PEX5L: variants seen among roughly 807,000 people sequenced by gnomAD.
The protein encoded by PEX5L is PEX5-related protein.
Under a neutral mutation model 84.0 loss-of-function variants are expected in PEX5L, and 30 were observed. The observed-to-expected ratio is 0.36, with a 90% CI of 0.27 to 0.48. The LOEUF is 0.48. Among genes scored for constraint, PEX5L ranks in the 20% least tolerant of loss-of-function variants. The pLI is 0.99. For synonymous variants in PEX5L, 270 were observed against 283.1 expected, an observed-to-expected ratio of 0.95 and a Z score of 0.46; for missense variants, 533 against 754.6, an observed-to-expected ratio of 0.71 and a Z score of 3.44.
At position 179,986,181 on chromosome 3, in the gene PEX5L, T is replaced by TATAA. The variant is rs58775648; in HGVS notation, c.22-14517_22-14516insTTAT. On this transcript the variant is annotated intron_variant, in intron 1 of 14. Coordinates refer to ENST00000467460, the MANE Select transcript of PEX5L (RefSeq NM_016559.3). ...GTAATTTAAAATATATATATATATA[T>TATAA]AACTTTATGTTTATGCAATAATAAT... Among the ~76,000 whole-genome samples, 1,060 of 149,930 alleles carry TATAA rather than the reference T, an allele frequency of 7.1e-3. 19 individuals are homozygous for TATAA. The highest frequency in any genetic ancestry group is 0.055 in the East Asian group (284 of 5,118).
chr3:179,829,943 ATTTTTTTT>A lies in PEX5L; in HGVS notation c.823-9975_823-9968del, dbSNP rs11352022. On this transcript the variant is annotated intron_variant, in intron 8 of 14. Transcript: ENST00000467460. Reference sequence around the variant, plus strand: ...AGGAGCCTGCCACCAGGCCTGGCTAATTTTTTTTTTTTTTTTTTTTTTTTTGTATTTTT... The same window carrying A: ...AGGAGCCTGCCACCAGGCCTGGCTAATTTTTTTTTTTTTTTTTGTATTTTT... Among the ~76,000 whole-genome samples the A allele has an allele frequency of 5.3e-3, 444 of 83,658 alleles. 4 individuals are homozygous for A. Among genetic ancestry groups the A allele is most frequent in the African/African-American group, 0.02 (405 of 20,538 alleles). 54.9% of individuals were successfully genotyped at this position (83,658 alleles called of 152,430 possible).
chr3:179,807,861 C>T, intron 13 of PEX5L, 30 bp from the exon 14 acceptor site: 1 of 1,598,942 alleles, frequency 6.3e-7, no homozygotes, highest in Non-Finnish European at 8.5e-7. Context: ...TTTCTAACAA[C>T]CCAGTACAAG....
chr3:179,814,527 C>T (rs1173554290), intron 10 of PEX5L, among the ~76,000 whole-genome samples: 1 of 152,148 alleles, frequency 6.6e-6, no homozygotes, highest in African/African-American at 2.4e-5. Context: ...TTCTCAGCAC[C>T]AGTATATATA....
chr3:179,986,527 C>G (rs924351128), intron 1 of PEX5L, among the ~76,000 whole-genome samples: 3 of 151,568 alleles, frequency 2.0e-5, no homozygotes, highest in African/African-American at 4.8e-5. Flanking sequence ...CTCAGCCTCC[C>G]GAGTAGCTGG....
intron 1 of PEX5L, among the ~76,000 whole-genome samples, chr3:180,025,021 T>C (rs1321497788): frequency 6.6e-6 from 1 of 152,190 alleles, no homozygotes; most frequent in African/African-American, 2.4e-5. Flanking sequence ...CAGTCCTAAA[T>C]TGTCCTCCAG....
chr3:179,808,759 C>T (rs1357571274), intron 12 of PEX5L, among the ~76,000 whole-genome samples: 1 of 152,104 alleles, frequency 6.6e-6, no homozygotes, highest in African/African-American at 2.4e-5. Flanking sequence ...AAGGATTTAA[C>T]ATAAGGATTT....
At chr3:179,974,807 C>T (rs972289783) in intron 1 of PEX5L, among the ~76,000 whole-genome samples, 2 of 152,312 alleles carry the variant, frequency 1.3e-5, no homozygotes, top group Non-Finnish European at 2.9e-5. Flanking sequence ...ACCCTACCTC[C>T]TGTTTCCTAC....
chr3:179,854,827 A>G (rs66621455), intron 8 of PEX5L, among the ~76,000 whole-genome samples: 34,306 of 152,110 alleles, frequency 0.23, 3,927 homozygotes, highest in Middle Eastern at 0.37. Context: ...CATGGAGGCT[A>G]CATTTTTAAA....
intron 1 of PEX5L, among the ~76,000 whole-genome samples, chr3:179,991,063 C>G (rs1342489856): frequency 6.6e-6 from 1 of 152,166 alleles, no homozygotes; most frequent in Non-Finnish European, 1.5e-5. Context: ...CCACCACACT[C>G]CTTGCATTCT....
At chr3:180,024,086 T>A (rs867337885) in intron 1 of PEX5L, among the ~76,000 whole-genome samples, 6 of 151,984 alleles carry the variant, frequency 3.9e-5, no homozygotes, top group Admixed American at 6.5e-5. Context: ...CCAGAAAGGG[T>A]ACATTTTTAT....
chr3:180,035,808 G>A (rs919655744), intron 1 of PEX5L, among the ~76,000 whole-genome samples: 2 of 152,172 alleles, frequency 1.3e-5, no homozygotes, highest in Non-Finnish European at 2.9e-5. Context: ...TTAGAAAGCT[G>A]AGTTAGTATT....
chr3:180,024,684 G>A (rs1362971541), intron 1 of PEX5L, among the ~76,000 whole-genome samples: 5 of 151,800 alleles, frequency 3.3e-5, no homozygotes, highest in Admixed American at 3.3e-4. Context: ...CTGCATGTGT[G>A]TGTGTGAGAG....
At chr3:179,877,957 T>C (rs1390100395) in intron 5 of PEX5L, among the ~76,000 whole-genome samples, 1 of 152,180 alleles carries the variant, frequency 6.6e-6, no homozygotes, top group East Asian at 1.9e-4. Flanking sequence ...CTTTCCTTTC[T>C]TTACAATCTA....
At chr3:179,844,767 T>C (rs779420963) in intron 8 of PEX5L, among the ~76,000 whole-genome samples, 1 of 152,114 alleles carries the variant, frequency 6.6e-6, no homozygotes, top group Non-Finnish European at 1.5e-5. Context: ...GAGGCAGAGC[T>C]TGCAGTGAGC....
In PEX5L at chr3:179,888,913, C is replaced by T. The variant is rs954664426; in HGVS notation, c.199-1129G>A. Among the ~76,000 whole-genome samples the T allele has an allele frequency of 3.3e-5, 5 of 151,638 alleles. No individual in the cohort carries two copies. The East Asian group carries it at 9.7e-4, about 29-fold the overall frequency. ...CCAAATAGCTGTGACTACAGGTGTG[C>T]ACCACTATGGCCGGCTAATTTTTAA... On this transcript the variant is annotated intron_variant, in intron 3 of 14. Transcript: ENST00000467460.
At chr3:179,881,455 G>T (rs1754140522) in intron 4 of PEX5L, 1 of 152,208 alleles carries the variant, frequency 6.6e-6, no homozygotes, top group Non-Finnish European at 1.5e-5. Flanking sequence ...GTGACTTGAA[G>T]TAAGTTTCTT....
At chr3:179,999,203 T>C (rs956020197) in intron 1 of PEX5L, among the ~76,000 whole-genome samples, 2 of 152,160 alleles carry the variant, frequency 1.3e-5, no homozygotes, top group South Asian at 4.1e-4. Context: ...GGAAAAGGTA[T>C]GTGGATGGAC....
chr3:179,895,144 T>C (rs779477259), intron 3 of PEX5L, among the ~76,000 whole-genome samples: 26 of 152,220 alleles, frequency 1.7e-4, no homozygotes, highest in Admixed American at 3.9e-4. Context: ...ACAAGTGAAA[T>C]TAAATAAGAT....
At chr3:179,804,840 C>T (rs531690440) in intron 14 of PEX5L, among the ~76,000 whole-genome samples, 4 of 152,146 alleles carry the variant, frequency 2.6e-5, no homozygotes, top group East Asian at 1.9e-4. Flanking sequence ...TCTCTCTCGC[C>T]GGGTGTAGTG....
Sources: allele counts gnomAD v4.1 joint callset (sites outside exome capture counted in the v4.1 genomes callset), GRCh38; gene constraint gnomAD v4.1.1; transcripts MANE v1.5; gene names NCBI Gene and HGNC (gene_info 2026-07-23, HGNC 2026-07-21).